Variants in GOSR2 observed in about 807,000 individuals in gnomAD.
GOSR2 encodes the protein golgi SNAP receptor complex member 2, also known as 27 kDa Golgi SNARE protein.
GOSR2 carries 20 observed loss-of-function variants against 27.9 expected under a neutral mutation model. That is an observed-to-expected ratio of 0.72 (90% CI 0.50 to 1.04). The LOEUF (loss-of-function observed/expected upper bound fraction) is 1.04. Ranked by LOEUF, GOSR2 falls within the 50% of genes least tolerant of loss-of-function variation. GOSR2 has a pLI of 0.00. For synonymous variants in GOSR2, 91 were observed against 98.8 expected, an observed-to-expected ratio of 0.92 and a Z score of 0.47; for missense variants, 261 against 270.5, an observed-to-expected ratio of 0.97 and a Z score of 0.25.
intron 4 of GOSR2, among the ~76,000 whole-genome samples, chr17:46,934,702 A>T (rs764957420): frequency 6.6e-6 from 1 of 152,234 alleles, no homozygotes; most frequent in Non-Finnish European, 1.5e-5. Flanking sequence ...AGTCAGAGAA[A>T]GCCTTTAGGA....
At chr17:46,971,379 G>A (rs1478729963), downstream of GOSR2, among the ~76,000 whole-genome samples, 3 of 152,002 alleles carry the variant, frequency 2.0e-5, no homozygotes, top group Non-Finnish European at 4.4e-5. Flanking sequence ...AATATAATAA[G>A]GACACACTCC....
rs1210110599 is a variant in GOSR2, at chr17:46,938,661, G to T, written c.540G>T (p.Arg180=). ...TGGGCTTGTCCAACACAGTGATGCG[G>T]CTCATCGAGAAGCGGGCTTTCCAGG... ...NMLGLSNTVM[R]LIEKRAFQDK... The change falls in exon 6 of 6, where the codon CGG becomes CGT. Residue 180 remains arginine (R), a synonymous_variant. Coordinates refer to ENST00000640051, the MANE Select transcript of GOSR2 (RefSeq NM_004287.5). 2 of 1,614,118 alleles carry T rather than the reference G, an allele frequency of 1.2e-6. No individual in the cohort carries two copies. Among genetic ancestry groups the T allele is most frequent in the East Asian group, 4.5e-5 (2 of 44,880 alleles).
chr17:46,944,275 G>A (rs2089632528), downstream of GOSR2, among the ~76,000 whole-genome samples: 1 of 152,258 alleles, frequency 6.6e-6, no homozygotes, highest in African/African-American at 2.4e-5. Flanking sequence ...GGTTACAGCG[G>A]CCGGAGGCTG....
chr17:46,928,417 C>T (rs1047144659), intron 1 of GOSR2, among the ~76,000 whole-genome samples: 4 of 152,086 alleles, frequency 2.6e-5, no homozygotes, highest in African/African-American at 9.7e-5. Flanking sequence ...TCCAGCAGGC[C>T]CCCTTCATGT....
At chr17:46,967,776 A>G (rs2091350395), downstream of GOSR2, among the ~76,000 whole-genome samples, 1 of 152,132 alleles carries the variant, frequency 6.6e-6, no homozygotes, top group African/African-American at 2.4e-5. Context: ...ACATGGTGCC[A>G]CCTGTGTTCT....
Position 46,929,561 on chromosome 17 carries a change from C to A in GOSR2, c.71C>A (p.Thr24Lys). Residue 24 changes from threonine (T) to lysine (K), a missense_variant, in exon 2 of 6, where the codon ACG becomes AAG. Coordinates refer to ENST00000640051, the MANE Select transcript of GOSR2 (RefSeq NM_004287.5). ...CAGTCTTGCATGGGACGCCTGGAGA[C>A]GGCAGACAAGCAGTCTGTGCACAGT... ...EIQSCMGRLE[T>K]ADKQSVHIVE... is the part of the protein sequence containing the mutation. The A allele has an allele frequency of 6.4e-7, 1 of 1,557,968 alleles. No individual in the cohort carries two copies. Among genetic ancestry groups the A allele is most frequent in the Non-Finnish European group, 8.9e-7 (1 of 1,128,864 alleles).
Position 46,923,202 on chromosome 17 carries a change from CTGTT to C in GOSR2, c.11_14del (p.Leu4ProfsTer28). ...CTGCGGGGCCGGCGACATGGATCCC[CTGTT>C]CCAGCAAACGCACAAGTGAGGGCCG... On this transcript the variant is annotated frameshift_variant, in exon 1 of 6. Transcript: ENST00000640051. LOFTEE classifies it high-confidence loss of function. The C allele has an allele frequency of 1.3e-6, 2 of 1,548,914 alleles. No homozygotes were observed. The highest frequency in any genetic ancestry group is 1.7e-6 in the Non-Finnish European group (2 of 1,144,550).
intron 1 of GOSR2, among the ~76,000 whole-genome samples, chr17:46,925,103 C>T (rs933870989): frequency 5.3e-5 from 8 of 151,028 alleles, no homozygotes; most frequent in African/African-American, 1.5e-4. Context: ...ACAATGCACC[C>T]TTGGACTCTA....
At position 46,938,996 on chromosome 17, in the gene GOSR2, T is replaced by A. The variant is rs1023112805; in HGVS notation, c.*236T>A. On this transcript the variant is annotated 3_prime_UTR_variant, in exon 6 of 6. Transcript: ENST00000640051. ...CTTAGGAAATGAAAGAAGTCCCGGG[T>A]CTGTCTCTCTCACTCTCGCTCTCAC... 2.9e-6 allele frequency: 4 copies of A among 1,370,504 alleles called. No individual in the cohort carries two copies. The Admixed American group carries it at 1.0e-4, about 34-fold the overall frequency. The allele number at this position is 1,370,504 out of a possible 1,614,324, so 84.9% of individuals were successfully genotyped here.
chr17:46,966,485 C>G (rs1433945995), intron 6 of GOSR2: 1 of 664,986 alleles, frequency 1.5e-6, no homozygotes, highest in Non-Finnish European at 2.7e-6. Context: ...GTAGTTGGAA[C>G]TACAGGTGCA....
downstream of GOSR2, among the ~76,000 whole-genome samples, chr17:46,969,563 T>A (rs984365306): frequency 1.1e-3 from 162 of 152,306 alleles, no homozygotes; most frequent in African/African-American, 3.8e-3. Flanking sequence ...GCTTCCCTGC[T>A]CCAGGCTGGG....
At chr17:46,933,860 G>A (rs1420974605) in intron 4 of GOSR2, among the ~76,000 whole-genome samples, 1 of 151,634 alleles carries the variant, frequency 6.6e-6, no homozygotes, top group African/African-American at 2.4e-5. Context: ...ACTACTCTCT[G>A]GAGCCTGAGG....
At chr17:46,945,461 T>C (rs1220093640), downstream of GOSR2, among the ~76,000 whole-genome samples, 1 of 152,148 alleles carries the variant, frequency 6.6e-6, no homozygotes, top group Non-Finnish European at 1.5e-5. Context: ...TTGGCAGACA[T>C]GGCGTAGAAT....
intron 5 of GOSR2, 91 bp from the exon 6 acceptor site, chr17:46,938,508 T>G: frequency 6.3e-7 from 1 of 1,598,362 alleles, no homozygotes; most frequent in East Asian, 2.2e-5. Context: ...AGAGAATGTC[T>G]GTTGGCAAAG....
Position 46,939,809 on chromosome 17 carries a change from A to G in GOSR2, c.*1049A>G, listed in dbSNP as rs2089004438. ...GTGACCAGCCCCGGATTCAGGCTGT[A>G]CTAATACCAGGTATATTGTGGAATT... is the stretch of plus-strand genomic sequence containing the variant. On this transcript the variant is annotated 3_prime_UTR_variant, in exon 6 of 6. Transcript: ENST00000640051. The G allele has an allele frequency of 2.0e-6, 2 of 988,480 alleles. No individual in the cohort carries two copies. The highest frequency in any genetic ancestry group is 1.1e-4 in the East Asian group (1 of 8,890). 61.2% of individuals were successfully genotyped at this position (988,480 alleles called of 1,614,324 possible).
In GOSR2 at chr17:46,941,632, G is replaced by A. The variant is rs1190714570; in HGVS notation, c.*2872G>A. 1.1e-5 allele frequency: 2 copies of A among 176,238 alleles called. No homozygotes were observed. The highest frequency in any genetic ancestry group is 1.3e-4 in the Admixed American group (2 of 15,318). 10.9% of individuals were successfully genotyped at this position (176,238 alleles called of 1,614,324 possible). A position where few individuals can be genotyped will look rare whatever the true frequency, so the allele number is the denominator to read the frequency against. ...TCTGTCACCCAGGCTGGAGTGCAGT[G>A]GCGCAATCTTGGCTCACTGCATCCT... On this transcript the variant is annotated 3_prime_UTR_variant, in exon 6 of 6. Coordinates refer to ENST00000640051, the MANE Select transcript of GOSR2 (RefSeq NM_004287.5).
downstream of GOSR2, chr17:46,967,052 C>T (rs1197431890): frequency 5.4e-6 from 1 of 185,046 alleles, no homozygotes; most frequent in African/African-American, 2.3e-5. Context: ...GGTTTGTGGC[C>T]TTCCCGCAGT....
chr17:46,973,716 A>T (rs971753255), intron 6 of GOSR2, among the ~76,000 whole-genome samples: 1 of 152,096 alleles, frequency 6.6e-6, no homozygotes, highest in East Asian at 1.9e-4. Flanking sequence ...ATCTTTATTG[A>T]CAAGAAAGAA....
At chr17:46,953,047 T>A (rs974389107) in intron 6 of GOSR2, among the ~76,000 whole-genome samples, 5 of 152,066 alleles carry the variant, frequency 3.3e-5, no homozygotes, top group African/African-American at 7.2e-5. Flanking sequence ...TTTTTATTTT[T>A]TTATTTTATT....
Sources: gnomAD v4.1 joint callset for allele counts (sites outside exome capture counted in the v4.1 genomes callset) on GRCh38, gnomAD v4.1.1 for gene constraint, MANE v1.5 for transcripts, NCBI Gene and HGNC (gene_info 2026-07-23, HGNC 2026-07-21) for gene names.